The following SLC41A1 variants were observed in gnomAD, a reference collection of about 807,000 sequenced individuals.
SLC41A1 encodes solute carrier family 41 (magnesium transporter), member 1.
A neutral mutation model predicts 47.3 loss-of-function variants in SLC41A1; 20 were observed. The observed-to-expected ratio is 0.42, with a 90% CI of 0.30 to 0.61. The LOEUF is 0.61. Among genes scored for constraint, SLC41A1 ranks in the 20% least tolerant of loss-of-function variants. SLC41A1 has a pLI of 0.17. For missense variants in SLC41A1, 504 were observed against 674.1 expected (o/e 0.75, Z 2.79); for synonymous variants, 282 against 272.7 (o/e 1.03, Z -0.34).
chr1:205,808,684 G>A (rs371742557), intron 2 of SLC41A1, among the ~76,000 whole-genome samples: 13 of 152,220 alleles, frequency 8.5e-5, no homozygotes, highest in African/African-American at 2.7e-4. Context: ...CCTAGCAGGA[G>A]GAACCCAAAG....
chr1:205,802,964 T>C (rs544151033), intron 2 of SLC41A1, among the ~76,000 whole-genome samples: 1 of 151,818 alleles, frequency 6.6e-6, no homozygotes, highest in South Asian at 2.1e-4. Context: ...AGGTCAGGAG[T>C]TGGAGACCAG....
At chr1:205,808,384 AC>A (rs1656065521) in intron 2 of SLC41A1, among the ~76,000 whole-genome samples, 1 of 152,188 alleles carries the variant, frequency 6.6e-6, no homozygotes, top group Non-Finnish European at 1.5e-5. Flanking sequence ...CAAGTTCCCT[AC>A]CTACAAAATG....
chr1:205,808,937 T>C (rs1351077728), intron 2 of SLC41A1, among the ~76,000 whole-genome samples: 2 of 152,182 alleles, frequency 1.3e-5, no homozygotes, highest in Non-Finnish European at 2.9e-5. Context: ...GAACTCTATA[T>C]CACTATGGTC....
chr1:205,800,762 G>A (rs988704368), intron 3 of SLC41A1, among the ~76,000 whole-genome samples, 191 bp downstream of exon 3: 1 of 152,154 alleles, frequency 6.6e-6, no homozygotes, highest in Non-Finnish European at 1.5e-5. Context: ...TGGGCAGGGA[G>A]CCCCTGCCCA....
intron 10 of SLC41A1, 152 bp downstream of exon 10, chr1:205,794,718 C>T (rs1655703726): frequency 2.0e-6 from 2 of 1,018,000 alleles, no homozygotes; most frequent in Admixed American, 4.0e-5. Context: ...GAACTACCAT[C>T]TGTTCTCCTG....
rs1240430088 is a variant in SLC41A1, at chr1:205,795,114, G to A, written c.1208-96C>T. The A allele has an allele frequency of 3.3e-6, 5 of 1,526,232 alleles. No individual in the cohort carries two copies. In the Admixed American group the frequency reaches 5.3e-5, roughly 16 times the overall value. The allele number at this position is 1,526,232 out of a possible 1,614,324, so 94.5% of individuals were successfully genotyped here. On this transcript the variant is annotated intron_variant, in intron 9 of 10. Coordinates refer to ENST00000367137, the MANE Select transcript of SLC41A1 (RefSeq NM_173854.6). ...TCAGGAGGGACGGCACCATACCCCA[G>A]GGCAACAGACAGATGAATGTCTCTA...
intron 8 of SLC41A1, 96 bp from the exon 9 acceptor site, chr1:205,795,574 G>T: frequency 6.8e-7 from 1 of 1,466,688 alleles, no homozygotes. Context: ...ATCTATAGAG[G>T]CACTGTCCTC....
chr1:205,806,211 G>A (rs768160530), intron 2 of SLC41A1, among the ~76,000 whole-genome samples: 12 of 152,220 alleles, frequency 7.9e-5, no homozygotes, highest in Non-Finnish European at 1.8e-4. Flanking sequence ...AGCAGGCAGG[G>A]GACAGAGATG....
At chr1:205,804,020 C>T (rs1238324902) in intron 2 of SLC41A1, among the ~76,000 whole-genome samples, 1 of 152,088 alleles carries the variant, frequency 6.6e-6, no homozygotes, top group Non-Finnish European at 1.5e-5. Context: ...AGAGCTTCAG[C>T]TGGGGAAGAT....
At chr1:205,802,226 T>C (rs1443509135) in intron 2 of SLC41A1, among the ~76,000 whole-genome samples, 1 of 152,096 alleles carries the variant, frequency 6.6e-6, no homozygotes, top group African/African-American at 2.4e-5. Flanking sequence ...GCAAGGGCAC[T>C]GGACCAAGAG....
In SLC41A1 at chr1:205,791,038, T is replaced by G; in HGVS notation, c.*495A>C. The G allele has an allele frequency of 5.0e-5, 11 of 220,492 alleles. No individual in the cohort carries two copies. The highest frequency in any genetic ancestry group is 3.4e-4 in the South Asian group (5 of 14,572). The allele number at this position is 220,492 out of a possible 1,614,324, so 13.7% of individuals were successfully genotyped here. A position where few individuals can be genotyped will look rare whatever the true frequency, so the allele number is the denominator to read the frequency against. ...GTGTCTCCTGTCCAGAGCTTTGAAGTTGGTCCACTTCTACAAAAGTATGTC... is the reference window on the plus strand; with the variant it reads ...GTGTCTCCTGTCCAGAGCTTTGAAGGTGGTCCACTTCTACAAAAGTATGTC... On this transcript the variant is annotated 3_prime_UTR_variant, in exon 11 of 11. Coordinates refer to ENST00000367137, the MANE Select transcript of SLC41A1 (RefSeq NM_173854.6). The surrounding 1 kb of genome is among the most constrained non-coding windows in gnomAD (Gnocchi z 4.0).
chr1:205,798,921 G>A (rs564973648), intron 5 of SLC41A1, 36 bp downstream of exon 5: 47 of 1,614,100 alleles, frequency 2.9e-5, no homozygotes, highest in African/African-American at 5.3e-5. Context: ...TCTCTGGGGC[G>A]GCACTCCTTA....
In SLC41A1 at chr1:205,809,928, C is replaced by T. The variant is rs999165207; in HGVS notation, c.372+142G>A. 136 of 1,314,034 alleles carry T rather than the reference C, an allele frequency of 1.0e-4. 1 individual carries two copies. In the African/African-American group the frequency reaches 1.2e-3, roughly 12 times the overall value. The allele number at this position is 1,314,034 out of a possible 1,614,324, so 81.4% of individuals were successfully genotyped here. ...GAAAGGAACTAGACCAAGAAGAAAC[C>T]GAGGACATGATCCAAAGGAAAACAG... On this transcript the variant is annotated intron_variant, in intron 2 of 10. Transcript: ENST00000367137.
chr1:205,791,700 T>G lies in SLC41A1; in HGVS notation c.1375A>C (p.Ile459Leu). The G allele has an allele frequency of 6.2e-7, 1 of 1,613,936 alleles. No homozygotes were observed. Residue 459 changes from isoleucine (I) to leucine (L), a missense_variant, in exon 11 of 11, where the codon ATC (isoleucine) becomes CTC (leucine). Physicochemically the swap from Ile to Leu is conservative, Grantham distance 5 (BLOSUM62 2). Around this residue, in one of 2 missense-constraint regions of SLC41A1, gnomAD observed 421 missense variants for 601.6 expected, o/e 0.70. Transcript: ENST00000367137. This position sits in a 1 kb window ranked among gnomAD's most constrained non-coding sequence, Gnocchi z 4.0. ...ALLQVLILLY[I>L]ADWMVHWMWG... is the part of the protein sequence containing the mutation. ...ATCCAGTGCACCATCCAGTCTGCGA[T>G]GTACAGGAGAATCAGCACCTGGGGA...
Position 205,799,745 on chromosome 1 carries a change from C to A in SLC41A1, c.552+14G>T. 2 of 1,613,928 alleles carry A rather than the reference C, an allele frequency of 1.2e-6. No individual in the cohort carries two copies. The highest frequency in any genetic ancestry group is 2.2e-5 in the South Asian group (2 of 91,008). ...GGAAGCTTAGCCCACCCTCTCTGGTCCCTGCCTTCTTACCTGGATGAGGGC... is the reference window on the plus strand; with the variant it reads ...GGAAGCTTAGCCCACCCTCTCTGGTACCTGCCTTCTTACCTGGATGAGGGC... On this transcript the variant is annotated intron_variant, in intron 4 of 10. Coordinates refer to ENST00000367137, the MANE Select transcript of SLC41A1 (RefSeq NM_173854.6).
At chr1:205,796,384 G>A (rs915975510) in intron 8 of SLC41A1, 1 of 187,850 alleles carries the variant, frequency 5.3e-6, no homozygotes, top group African/African-American at 2.4e-5. Context: ...AGAGTGAATA[G>A]GTTATTAAGA....
In SLC41A1 at chr1:205,791,700, T is replaced by C. The variant is rs769827791; in HGVS notation, c.1375A>G (p.Ile459Val). 10 of 1,613,936 alleles carry C rather than the reference T, an allele frequency of 6.2e-6. No homozygotes were observed. Among genetic ancestry groups the C allele is most frequent in the Non-Finnish European group, 6.8e-6 (8 of 1,180,024 alleles). Residue 459 changes from isoleucine (I) to valine (V), a missense_variant, in exon 11 of 11, where the codon ATC becomes GTC. Around this residue, in one of 2 missense-constraint regions of SLC41A1, gnomAD observed 421 missense variants for 601.6 expected, o/e 0.70. Transcript: ENST00000367137. This position sits in a 1 kb window ranked among gnomAD's most constrained non-coding sequence, Gnocchi z 4.0. Reference protein sequence around the residue: ...ALLQVLILLYIADWMVHWMWG... With the variant: ...ALLQVLILLYVADWMVHWMWG... The stretch of plus-strand genomic sequence containing the variant: ...ATCCAGTGCACCATCCAGTCTGCGA[T>C]GTACAGGAGAATCAGCACCTGGGGA...
chr1:205,797,291 G>T (rs1353165093), intron 7 of SLC41A1, among the ~76,000 whole-genome samples: 1 of 152,208 alleles, frequency 6.6e-6, no homozygotes, highest in Admixed American at 6.5e-5. Flanking sequence ...AGGACTATCT[G>T]CCTCTGAGGA....
At chr1:205,799,911 A>G (rs770148388) in intron 3 of SLC41A1, 81 bp from the exon 4 acceptor site, 14 of 1,208,472 alleles carry the variant, frequency 1.2e-5, no homozygotes, top group Non-Finnish European at 1.7e-5. Flanking sequence ...TGCCTAGATC[A>G]TGAGGCAGTA....
Sources: gnomAD v4.1 joint callset for allele counts (sites outside exome capture counted in the v4.1 genomes callset) on GRCh38, gnomAD v4.1.1 for gene constraint, gnomAD v4.1.1 regional missense constraint, Gnocchi (gnomAD v3.1) non-coding constraint, MANE v1.5 for transcripts, NCBI Gene and HGNC (gene_info 2026-07-23, HGNC 2026-07-21) for gene names.